OTUD4: variants seen among roughly 807,000 people sequenced by gnomAD.
The protein encoded by OTUD4 is OTU domain-containing protein 4.
In OTUD4, 24 loss-of-function variants were observed where a neutral mutation model predicts 130.4. The ratio of observed to expected loss-of-function variants is 0.18; its 90% CI spans 0.13 to 0.26. OTUD4 has a LOEUF of 0.26. OTUD4 is among the 10% of genes least tolerant of loss of function. OTUD4 has a pLI of 1.00. For missense variants in OTUD4, 1,031 were observed against 1,329.4 expected (o/e 0.78, Z 3.49); for synonymous variants, 420 against 472.5 (o/e 0.89, Z 1.44).
intron 3 of OTUD4, among the ~76,000 whole-genome samples, chr4:145,169,403 G>A (rs922551102): frequency 2.6e-5 from 4 of 152,178 alleles, no homozygotes; most frequent in Non-Finnish European, 4.4e-5. Flanking sequence ...ACTGGATGAA[G>A]CAACTGAGTT....
rs144404704 is a variant in OTUD4, at chr4:145,151,662, G to A, written c.969-757C>T. 2.6e-3 allele frequency among the ~76,000 whole-genome samples: 401 copies of A among 152,138 alleles called. 2 individuals are homozygous for A. The highest frequency in any genetic ancestry group is 2.2e-3 in the Non-Finnish European group (151 of 67,970). On this transcript the variant is annotated intron_variant, in intron 11 of 20. Transcript: ENST00000447906. ...AAAAAATGAAAAAAATTTGCCAAAC[G>A]CTGTTAGTTGCTAAAAATGGGTGTT...
chr4:145,144,017 A>T lies in OTUD4; in HGVS notation c.1547-16T>A. 6.2e-7 allele frequency: 1 copy of T among 1,602,988 alleles called. No homozygotes were observed. Among genetic ancestry groups the T allele is most frequent in the Non-Finnish European group, 8.5e-7 (1 of 1,170,830 alleles). On this transcript the variant is annotated splice_polypyrimidine_tract_variant and intron_variant, in intron 15 of 20. Coordinates refer to ENST00000447906, the MANE Select transcript of OTUD4 (RefSeq NM_001366057.1). ...TGAATAGAGTCTATAGCAGATCAAG[A>T]TTAAAAAAGACAGCATAAGCCACCA...
intron 6 of OTUD4, among the ~76,000 whole-genome samples, chr4:145,161,716 G>T (rs763965971): frequency 2.0e-5 from 3 of 152,148 alleles, no homozygotes; most frequent in Non-Finnish European, 4.4e-5. Flanking sequence ...ACATTCTGAA[G>T]TTCACAAGAG....
At chr4:145,171,824 A>T (rs1752183499) in intron 2 of OTUD4, 104 bp from the exon 3 acceptor site, 1 of 701,372 alleles carries the variant, frequency 1.4e-6, no homozygotes, top group Middle Eastern at 2.9e-4. Flanking sequence ...GTTTGTACAT[A>T]AACCTAAAAT....
At chr4:145,162,829 CAGTG>C (rs1751647114) in intron 5 of OTUD4, 108 bp from the exon 6 acceptor site, 5 of 546,698 alleles carry the variant, frequency 9.1e-6, no homozygotes, top group African/African-American at 4.0e-5. Flanking sequence ...TCCAAACAGA[CAGTG>C]AGTATTTTAG....
At position 145,137,273 on chromosome 4, in the gene OTUD4, T is replaced by C. The variant is rs1415067641; in HGVS notation, c.*157A>G. The stretch of plus-strand genomic sequence containing the variant: ...GAATTAACCTGCCCCCTTGAACTCA[T>C]GTCCAAAATGTCTTGTCCAGTATGG... On this transcript the variant is annotated 3_prime_UTR_variant, in exon 21 of 21. Transcript: ENST00000447906. The C allele has an allele frequency of 5.0e-6, 3 of 599,084 alleles. No homozygotes were observed. Among genetic ancestry groups the C allele is most frequent in the African/African-American group, 3.7e-5 (2 of 53,974 alleles). The allele number at this position is 599,084 out of a possible 1,614,324, so 37.1% of individuals were successfully genotyped here. A position where few individuals can be genotyped will look rare whatever the true frequency, so the allele number is the denominator to read the frequency against.
At position 145,152,632 on chromosome 4, in the gene OTUD4, T is replaced by A. The variant is rs1007633710; in HGVS notation, c.877A>T (p.Arg293Trp). The change falls in exon 11 of 21, where the codon AGG becomes TGG. Residue 293 changes from arginine to tryptophan, a missense_variant. By Grantham distance (101) the Arg-to-Trp change is moderately radical. This residue lies in a region of OTUD4 where 900 missense variants were observed against 1,095.9 expected (regional missense o/e 0.82). Transcript: ENST00000447906. Reference sequence around the variant, plus strand: ...AAAAATTTTCCATTGTGATCCAACCTAACCTGTTAAAAATTCCAAAAATGA... The same window carrying A: ...AAAAATTTTCCATTGTGATCCAACCAAACCTGTTAAAAATTCCAAAAATGA... The part of the protein sequence containing the change: ...QYEVGDKCQV[R>W]LDHNGKFLNA... 6.3e-7 allele frequency: 1 copy of A among 1,582,284 alleles called. No individual in the cohort carries two copies. The highest frequency in any genetic ancestry group is 8.6e-7 in the Non-Finnish European group (1 of 1,158,274).
At position 145,138,299 on chromosome 4, in the gene OTUD4, C is replaced by T; in HGVS notation, c.2476G>A (p.Asp826Asn). 1 of 1,614,092 alleles carries T rather than the reference C, an allele frequency of 6.2e-7. No homozygotes were observed. The highest frequency in any genetic ancestry group is 1.7e-5 in the Admixed American group (1 of 60,014). ...SETPGQLLHA[D>N]YEESLSGKNM... Reference sequence around the variant, plus strand: ...TTGCCACTTAGTGACTCTTCATAATCAGCATGCAGAAGCTGCCCAGGGGTC... The same window carrying T: ...TTGCCACTTAGTGACTCTTCATAATTAGCATGCAGAAGCTGCCCAGGGGTC... Residue 826 changes from aspartate to asparagine, a missense_variant, in exon 21 of 21, where the codon GAT becomes AAT. Transcript: ENST00000447906.
At chr4:145,176,170 A>T (rs1752412075) in intron 1 of OTUD4, among the ~76,000 whole-genome samples, 1 of 150,868 alleles carries the variant, frequency 6.6e-6, no homozygotes, top group African/African-American at 2.4e-5. Context: ...TGCTGGGATT[A>T]CAGACATGAG....
chr4:145,138,804 C>A (rs762550741), intron 20 of OTUD4, among the ~76,000 whole-genome samples, 154 bp from the exon 21 acceptor site: 2 of 152,136 alleles, frequency 1.3e-5, no homozygotes, highest in Non-Finnish European at 2.9e-5. Context: ...CTGTGATAAC[C>A]AACGTGAAAA....
At chr4:145,157,750 GACA>G (rs1751363253) in intron 7 of OTUD4, among the ~76,000 whole-genome samples, 1 of 150,004 alleles carries the variant, frequency 6.7e-6, no homozygotes, top group African/African-American at 2.5e-5. Flanking sequence ...ACATTCCAAG[GACA>G]ACAACAGTGC....
intron 16 of OTUD4, 51 bp downstream of exon 16, chr4:145,143,895 A>G (rs749838707): frequency 2.3e-6 from 3 of 1,295,946 alleles, no homozygotes; most frequent in Non-Finnish European, 3.4e-6. Context: ...CTACTGTACT[A>G]CACAGTATTA....
chr4:145,175,612 T>A (rs1752380870), intron 1 of OTUD4, among the ~76,000 whole-genome samples: 1 of 152,064 alleles, frequency 6.6e-6, no homozygotes, highest in African/African-American at 2.4e-5. Context: ...TGGCGCAAGC[T>A]TGGCTCTCTG....
At chr4:145,160,118 G>A (rs917286723) in intron 6 of OTUD4, among the ~76,000 whole-genome samples, 2 of 152,188 alleles carry the variant, frequency 1.3e-5, no homozygotes, top group African/African-American at 4.8e-5. Context: ...ACATTAAGAA[G>A]CTTTAAGATT....
At chr4:145,174,523 TAG>T in intron 2 of OTUD4, 136 bp downstream of exon 2, 1 of 589,122 alleles carries the variant, frequency 1.7e-6, no homozygotes, top group Non-Finnish European at 3.1e-6. Flanking sequence ...TTAAGTTCAA[TAG>T]AGAAGTTTTT....
At chr4:145,179,332 C>A (rs1234811167) in intron 1 of OTUD4, among the ~76,000 whole-genome samples, 5 of 152,126 alleles carry the variant, frequency 3.3e-5, no homozygotes, top group Non-Finnish European at 7.4e-5. Context: ...GTGACATGGG[C>A]GAGCTTGCCT....
intron 20 of OTUD4, among the ~76,000 whole-genome samples, chr4:145,139,681 G>A (rs1234693425): frequency 6.6e-6 from 1 of 152,132 alleles, no homozygotes; most frequent in African/African-American, 2.4e-5. Flanking sequence ...CCCCAGCAAG[G>A]GCATTTCCAC....
intron 1 of OTUD4, among the ~76,000 whole-genome samples, chr4:145,176,489 T>A (rs1413679999): frequency 1.3e-5 from 2 of 148,804 alleles, no homozygotes; most frequent in African/African-American, 5.0e-5. Context: ...AGTTTGAGAC[T>A]AGCCTGGTCA....
chr4:145,162,282 G>A (rs1560992310), intron 6 of OTUD4, among the ~76,000 whole-genome samples: 2 of 152,082 alleles, frequency 1.3e-5, no homozygotes, highest in Admixed American at 1.3e-4. Context: ...GGCCGGGCAC[G>A]GTAGCTCACG....
Sources: allele counts gnomAD v4.1 joint callset (sites outside exome capture counted in the v4.1 genomes callset), GRCh38; gene constraint gnomAD v4.1.1; regional missense constraint gnomAD v4.1.1; transcripts MANE v1.5; gene names NCBI Gene and HGNC (gene_info 2026-07-23, HGNC 2026-07-21).